SKIC8: variants seen among roughly 807,000 people sequenced by gnomAD.
The protein encoded by SKIC8 is SKI8 subunit of superkiller complex.
the SKIC8 span, chr15:78,292,736 C>A: frequency 1.9e-6 from 3 of 1,614,174 alleles, no homozygotes; most frequent in Non-Finnish European, 2.5e-6. Flanking sequence ...ACAGACACCA[C>A]TCCCAGCTGA....
chr15:78,292,394 C>A, the SKIC8 span: 5 of 536,728 alleles, frequency 9.3e-6, no homozygotes, highest in South Asian at 8.3e-5. Flanking sequence ...TTATTTATCT[C>A]CCTTAGTGTA....
the SKIC8 span, chr15:78,288,771 C>T: frequency 5.0e-3 from 1,701 of 342,786 alleles, 32 homozygotes; most frequent in African/African-American, 0.034. Context: ...AATGTGAGGA[C>T]GTAATAAATT....
At chr15:78,291,434 G>A in the SKIC8 span, among the ~76,000 whole-genome samples, 1 of 152,184 alleles carries the variant, frequency 6.6e-6, no homozygotes, top group South Asian at 2.1e-4. Flanking sequence ...TGTAAGCAGG[G>A]TAAGGGTACA....
At chr15:78,290,194 T>G in the SKIC8 span, 1 of 1,341,382 alleles carries the variant, frequency 7.5e-7, no homozygotes, top group Non-Finnish European at 1.0e-6. Flanking sequence ...TCTTTTTAAA[T>G]CGGAGTAGCA....
the SKIC8 span, chr15:78,293,386 CA>C: frequency 5.7e-6 from 6 of 1,061,602 alleles, no homozygotes; most frequent in East Asian, 1.5e-4. Context: ...TACTATTTTA[CA>C]AAGTGCTTTC....
the SKIC8 span, among the ~76,000 whole-genome samples, chr15:78,293,747 C>T: frequency 2.7e-4 from 41 of 152,178 alleles, 1 homozygote; most frequent in Admixed American, 2.4e-3. Flanking sequence ...AGTTGCCTTT[C>T]CCCACAAGTA....
At chr15:78,293,397 C>T in the SKIC8 span, 1 of 888,858 alleles carries the variant, frequency 1.1e-6, no homozygotes, top group Non-Finnish European at 1.7e-6. Flanking sequence ...AAAGTGCTTT[C>T]CTATACAGCT....
At chr15:78,293,187 G>C in the SKIC8 span, 47 of 1,613,906 alleles carry the variant, frequency 2.9e-5, no homozygotes, top group Non-Finnish European at 3.8e-5. Flanking sequence ...CCTTCACCAG[G>C]TCATCTAGGG....
the SKIC8 span, among the ~76,000 whole-genome samples, chr15:78,298,802 G>C: frequency 1.3e-5 from 2 of 152,126 alleles, no homozygotes; most frequent in Non-Finnish European, 2.9e-5. Context: ...GATAAGGGGG[G>C]AACTACTATT....
chr15:78,292,637 T>C, the SKIC8 span: 8 of 1,614,164 alleles, frequency 5.0e-6, no homozygotes, highest in Non-Finnish European at 6.8e-6. Flanking sequence ...TCTATGGACT[T>C]TATCTGTTTG....
the SKIC8 span, among the ~76,000 whole-genome samples, chr15:78,293,847 G>C: frequency 6.6e-6 from 1 of 152,158 alleles, no homozygotes; most frequent in Non-Finnish European, 1.5e-5. Context: ...GACAAGGAAT[G>C]AGAGGTGCTA....
the SKIC8 span, chr15:78,290,195 C>T: frequency 2.6e-5 from 35 of 1,330,450 alleles, no homozygotes; most frequent in African/African-American, 5.9e-5. Flanking sequence ...CTTTTTAAAT[C>T]GGAGTAGCAG....
chr15:78,283,362 TAAG>T, the SKIC8 span: 1 of 1,275,788 alleles, frequency 7.8e-7, no homozygotes, highest in Non-Finnish European at 1.1e-6. Context: ...TAAACAAGCC[TAAG>T]AAGGTAAGGA....
At chr15:78,293,223 T>A in the SKIC8 span, 1 of 1,614,140 alleles carries the variant, frequency 6.2e-7, no homozygotes, top group Non-Finnish European at 8.5e-7. Flanking sequence ...TCTCAGAGTT[T>A]TCCTTCTTGT....
chr15:78,295,708 ACAAAAGGC>A, the SKIC8 span: 1 of 1,546,758 alleles, frequency 6.5e-7, no homozygotes, highest in South Asian at 1.3e-5. Flanking sequence ...AGGATCAAGG[ACAAAAGGC>A]CAGACAGCTC....
chr15:78,293,212 G>A, the SKIC8 span: 1 of 1,614,134 alleles, frequency 6.2e-7, no homozygotes, highest in Non-Finnish European at 8.5e-7. Context: ...TGTGACCACT[G>A]TCTCAGAGTT....
the SKIC8 span, chr15:78,292,595 C>T: frequency 6.2e-6 from 10 of 1,614,030 alleles, no homozygotes; most frequent in East Asian, 2.2e-5. Flanking sequence ...CTATTATCTC[C>T]CCTACAAGTA....
At chr15:78,283,358 A>G in the SKIC8 span, 8 of 1,213,886 alleles carry the variant, frequency 6.6e-6, no homozygotes, top group Non-Finnish European at 4.7e-6. Context: ...CTTTTAAACA[A>G]GCCTAAGAAG....
chr15:78,288,855 G>C, the SKIC8 span: 1 of 416,420 alleles, frequency 2.4e-6, no homozygotes, highest in South Asian at 1.7e-5. Flanking sequence ...CTGTTCTTTA[G>C]CTACCCAGTC....
Sources: gnomAD v4.1 joint callset for allele counts (sites outside exome capture counted in the v4.1 genomes callset) on GRCh38, gnomAD v4.1.1 for gene constraint, MANE v1.5 for transcripts, NCBI Gene and HGNC (gene_info 2026-07-23, HGNC 2026-07-21) for gene names.